SMCHD1: variants seen among roughly 807,000 people sequenced by gnomAD.
SMCHD1 encodes structural maintenance of chromosomes flexible hinge domain containing 1, also known as structural maintenance of chromosomes flexible hinge domain-containing protein 1.
In SMCHD1, 78 loss-of-function variants were observed where a neutral mutation model predicts 254.7. The observed-to-expected ratio is 0.31, with a 90% confidence interval of 0.26 to 0.37. The LOEUF (loss-of-function observed/expected upper bound fraction) is 0.37. SMCHD1 is among the 10% of genes least tolerant of loss of function. The pLI, the probability that SMCHD1 is intolerant of heterozygous loss-of-function variation, is 1.00. For synonymous variants in SMCHD1, 766 were observed against 794.9 expected (o/e 0.96, Z 0.61); for missense variants, 1,840 against 2,408.1 (o/e 0.76, Z 4.94).
chr18:2,720,260 G>A (rs1458335970), intron 19 of SMCHD1, among the ~76,000 whole-genome samples: 1 of 152,054 alleles, frequency 6.6e-6, no homozygotes, highest in Non-Finnish European at 1.5e-5. Context: ...ACAGCTTGAT[G>A]TTCTATGCTT....
chr18:2,729,435 T>C, intron 24 of SMCHD1, 26 bp downstream of exon 24: 2 of 1,465,316 alleles, frequency 1.4e-6, no homozygotes, highest in South Asian at 2.8e-5. Flanking sequence ...TACTCATTGA[T>C]ATTATATTGA....
intron 5 of SMCHD1, among the ~76,000 whole-genome samples, chr18:2,685,221 T>A (rs2074023297): frequency 6.8e-6 from 1 of 146,918 alleles, no homozygotes; most frequent in Non-Finnish European, 1.5e-5. Context: ...GGCCTCAGCC[T>A]CCCGAGTAGC....
At chr18:2,750,318 A>G in intron 31 of SMCHD1, 32 bp from the exon 32 acceptor site, 1 of 1,577,746 alleles carries the variant, frequency 6.3e-7, no homozygotes, top group Non-Finnish European at 8.6e-7. Flanking sequence ...AACTAATGTA[A>G]TTTGAACCCC....
At chr18:2,729,189 A>G (rs921082252) in intron 23 of SMCHD1, 86 bp from the exon 24 acceptor site, 3 of 1,110,570 alleles carry the variant, frequency 2.7e-6, no homozygotes, top group African/African-American at 3.2e-5. Flanking sequence ...TAGTAGCTCT[A>G]CTGAATTATT....
intron 1 of SMCHD1, among the ~76,000 whole-genome samples, chr18:2,656,670 C>T (rs908503384): frequency 1.3e-5 from 2 of 152,204 alleles, no homozygotes; most frequent in Non-Finnish European, 2.9e-5. Context: ...CCCAGGGGCT[C>T]TGTTGTGAGT....
At chr18:2,714,693 T>C (rs1420301176) in intron 17 of SMCHD1, among the ~76,000 whole-genome samples, 1 of 152,176 alleles carries the variant, frequency 6.6e-6, no homozygotes, top group Non-Finnish European at 1.5e-5. Context: ...TATTGACCAT[T>C]TGTTTCCATG....
chr18:2,701,161 TTTG>T, intron 12 of SMCHD1: 3 of 259,370 alleles, frequency 1.2e-5, no homozygotes, highest in Non-Finnish European at 2.1e-5. Context: ...ATTAGTTTTT[TTTG>T]TTTTTTTTTT....
chr18:2,704,459 T>C (rs547415568), intron 13 of SMCHD1, among the ~76,000 whole-genome samples: 61 of 152,232 alleles, frequency 4.0e-4, no homozygotes, highest in Non-Finnish European at 4.3e-4. Context: ...TTCAGAGATA[T>C]AGGAGATGTG....
At chr18:2,661,455 CTG>C (rs554350875) in intron 1 of SMCHD1, among the ~76,000 whole-genome samples, 48 of 151,876 alleles carry the variant, frequency 3.2e-4, no homozygotes, top group African/African-American at 9.4e-4. Context: ...GATTAGAAAT[CTG>C]TGGGTTTTTA....
At chr18:2,725,694 T>A (rs553547343) in intron 21 of SMCHD1, among the ~76,000 whole-genome samples, 1 of 151,974 alleles carries the variant, frequency 6.6e-6, no homozygotes, top group East Asian at 1.9e-4. Flanking sequence ...TCAAGTACTA[T>A]ATGCTGCTTT....
rs756485398 is a variant in SMCHD1 at position 2,724,903 on chromosome 18, T to G, written c.2608T>G (p.Leu870Val). Residue 870 changes from leucine to valine, a missense_variant, in exon 21 of 48, where the codon TTA (leucine) becomes GTA (valine). Transcript: ENST00000320876. ...AAAATAATTTTTTTTCCCCAGTGGT[T>G]TATCTTTACATTATGAAGAAATAAC... The part of the protein sequence containing the change: ...DIQPVLEASG[L>V]SLHYEEITKG... The G allele has an allele frequency of 3.2e-6, 5 of 1,565,394 alleles. No homozygotes were observed. The highest frequency in any genetic ancestry group is 4.3e-6 in the Non-Finnish European group (5 of 1,150,152).
At position 2,655,958 on chromosome 18, in the gene SMCHD1, C is replaced by T. The variant is rs1424446917; in HGVS notation, c.-118C>T. The stretch of plus-strand genomic sequence containing the variant: ...GCCGCTGACGAGGAGCTGCAGCGCG[C>T]CGGGCCGAGGCCTCGAGCCGCCCCG... On this transcript the variant is annotated 5_prime_UTR_variant, in exon 1 of 48. Transcript: ENST00000320876. 2.6e-6 allele frequency: 2 copies of T among 767,606 alleles called. No individual in the cohort carries two copies. The highest frequency in any genetic ancestry group is 3.5e-6 in the Non-Finnish European group (2 of 565,784). The allele number at this position is 767,606 out of a possible 1,614,324, so 47.5% of individuals were successfully genotyped here. A position where few individuals can be genotyped will look rare whatever the true frequency, so the allele number is the denominator to read the frequency against.
chr18:2,662,176 A>AT (rs2073289968), intron 1 of SMCHD1, among the ~76,000 whole-genome samples: 3 of 84,608 alleles, frequency 3.5e-5, no homozygotes, highest in African/African-American at 1.5e-4. Context: ...AAAAAAAAAA[A>AT]AATAAAATAA....
At position 2,796,737 on chromosome 18, in the gene SMCHD1, T is replaced by G. The variant is rs2076271174; in HGVS notation, c.5993+216T>G. ...CTGGCATTACAGGCATGCACCACCA[T>G]GCTTGGCTAATTTTTTGTATTTTTT... On this transcript the variant is annotated intron_variant, in intron 47 of 47. Transcript: ENST00000320876. The G allele has an allele frequency of 6.1e-6, 3 of 488,208 alleles. No individual in the cohort carries two copies. The Admixed American group carries it at 1.2e-4, about 20-fold the overall frequency. 30.2% of individuals were successfully genotyped at this position (488,208 alleles called of 1,614,324 possible). A position where few individuals can be genotyped will look rare whatever the true frequency, so the allele number is the denominator to read the frequency against.
intron 41 of SMCHD1, 121 bp downstream of exon 41, chr18:2,772,493 A>T: frequency 1.3e-6 from 1 of 789,776 alleles, no homozygotes; most frequent in Non-Finnish European, 1.8e-6. Context: ...TTTCCAATAA[A>T]GTACCTGCTC....
In SMCHD1 at chr18:2,777,066, C is replaced by CA. The variant is rs960663060; in HGVS notation, c.5367-740_5367-739insA. ...CTAGAGGCATGCACCACCACCTCCCCCCCCCATACCCTAATACTTTTTGTG... is the reference window on the plus strand; with the variant it reads ...CTAGAGGCATGCACCACCACCTCCCCACCCCCATACCCTAATACTTTTTGTG... On this transcript the variant is annotated intron_variant, in intron 42 of 47. Coordinates refer to ENST00000320876, the MANE Select transcript of SMCHD1 (RefSeq NM_015295.3). Among the ~76,000 whole-genome samples, 34 of 147,326 alleles carry CA rather than the reference C, an allele frequency of 2.3e-4. 1 individual carries two copies. The highest frequency in any genetic ancestry group is 7.2e-4 in the South Asian group (3 of 4,168).
Position 2,694,648 on chromosome 18 carries a change from T to TA in SMCHD1, c.996dup (p.Gln333ThrfsTer29). Reference sequence around the variant, plus strand: ...ATCACAGGGGTACAACCAGAACACATACAGTACTTGAAAAATTATTTCCAC... The same window carrying TA: ...ATCACAGGGGTACAACCAGAACACATAACAGTACTTGAAAAATTATTTCCAC... On this transcript the variant is annotated frameshift_variant, in exon 8 of 48. Coordinates refer to ENST00000320876, the MANE Select transcript of SMCHD1 (RefSeq NM_015295.3). LOFTEE classifies it high-confidence loss of function. The TA allele has an allele frequency of 6.2e-7, 1 of 1,612,972 alleles. No individual in the cohort carries two copies.
intron 34 of SMCHD1, among the ~76,000 whole-genome samples, chr18:2,756,815 TATTA>T (rs1171933259): frequency 2.0e-5 from 3 of 152,312 alleles, no homozygotes; most frequent in East Asian, 1.9e-4. Context: ...GCTGTCAGAC[TATTA>T]ATTTTATCTA....
chr18:2,748,599 T>C (rs1440905923), intron 30 of SMCHD1, among the ~76,000 whole-genome samples: 5 of 151,948 alleles, frequency 3.3e-5, no homozygotes, highest in African/African-American at 1.2e-4. Context: ...TTCACCACGT[T>C]GGCCAGGCTG....
Sources: allele counts gnomAD v4.1 joint callset (sites outside exome capture counted in the v4.1 genomes callset), GRCh38; gene constraint gnomAD v4.1.1; transcripts MANE v1.5; gene names NCBI Gene and HGNC (gene_info 2026-07-23, HGNC 2026-07-21).